Variants in TLE1 observed in about 807,000 individuals in gnomAD.
TLE1 encodes transducin-like enhancer protein 1.
A neutral mutation model predicts 89.8 loss-of-function variants in TLE1; 21 were observed. The ratio of observed to expected loss-of-function variants is 0.23; its 90% CI spans 0.17 to 0.34. The LOEUF (loss-of-function observed/expected upper bound fraction) is 0.34. Ranked by LOEUF, TLE1 falls within the 10% of genes least tolerant of loss-of-function variation. The pLI is 1.00. For synonymous variants in TLE1, 447 were observed against 407.6 expected (o/e 1.10, Z -1.16); for missense variants, 795 against 1,031.2 (o/e 0.77, Z 3.14).
At chr9:81,668,288 G>A (rs558094717) in intron 4 of TLE1, among the ~76,000 whole-genome samples, 1 of 152,088 alleles carries the variant, frequency 6.6e-6, no homozygotes, top group Non-Finnish European at 1.5e-5. Context: ...CAGTCAAGAA[G>A]TTTTATTTTC....
rs1588000052 is a variant in TLE1, at chr9:81,620,656, T to A, written c.595-99A>T. The stretch of plus-strand genomic sequence containing the variant: ...AGAACTATTTTTGAAAGGTGATACC[T>A]ACACAGCCTTTCATTCCATTTAATT... On this transcript the variant is annotated intron_variant, in intron 8 of 19. Coordinates refer to ENST00000376499, the MANE Select transcript of TLE1 (RefSeq NM_005077.5). 1.6e-5 allele frequency: 25 copies of A among 1,523,116 alleles called. No homozygotes were observed. The East Asian group carries it at 5.7e-4, about 35-fold the overall frequency. 94.4% of individuals were successfully genotyped at this position (1,523,116 alleles called of 1,614,324 possible).
In TLE1 at chr9:81,688,486, T is replaced by C. The variant is rs1364470327; in HGVS notation, c.-246A>G. The C allele has an allele frequency of 1.2e-5, 5 of 405,956 alleles. No individual in the cohort carries two copies. The highest frequency in any genetic ancestry group is 2.2e-5 in the Non-Finnish European group (5 of 232,182). 25.1% of individuals were successfully genotyped at this position (405,956 alleles called of 1,614,324 possible). On this transcript the variant is annotated 5_prime_UTR_variant, in exon 1 of 20. Coordinates refer to ENST00000376499, the MANE Select transcript of TLE1 (RefSeq NM_005077.5). Reference sequence around the variant, plus strand: ...TAGTGGGCGCCCCAGGCCCAGCTGCTTCAAGAACCTGCGCGGAGACGTCGG... The same window carrying C: ...TAGTGGGCGCCCCAGGCCCAGCTGCCTCAAGAACCTGCGCGGAGACGTCGG...
intron 8 of TLE1, among the ~76,000 whole-genome samples, chr9:81,625,650 G>GAGCA (rs1825804403): frequency 6.6e-6 from 1 of 152,108 alleles, no homozygotes; most frequent in African/African-American, 2.4e-5. Context: ...GAACCTCAGA[G>GAGCA]AGCACCCAGT....
At chr9:81,633,230 C>CA in intron 8 of TLE1, 118 bp downstream of exon 8, 5 of 1,512,600 alleles carry the variant, frequency 3.3e-6, no homozygotes, top group Non-Finnish European at 4.5e-6. Flanking sequence ...CTGAGAGAGA[C>CA]AGGGAGAGTG....
chr9:81,590,784 T>C, intron 16 of TLE1, 21 bp downstream of exon 16: 2 of 1,607,698 alleles, frequency 1.2e-6, no homozygotes, highest in Non-Finnish European at 1.7e-6. Context: ...AACCCCTCCT[T>C]AGACGACCAT....
chr9:81,675,095 T>C (rs1205535181), intron 4 of TLE1, among the ~76,000 whole-genome samples: 1 of 152,232 alleles, frequency 6.6e-6, no homozygotes, highest in East Asian at 1.9e-4. Flanking sequence ...CCTGATCCTC[T>C]ATCAAGTCCT....
rs751973708 is a variant in TLE1 at position 81,616,748 on chromosome 9, T to G, written c.712-49A>C. Reference sequence around the variant, plus strand: ...CATTTACTAAAAGCTAAGAATAGGTTTGAGGCACAGTTAGATTTCTTTCTA... The same window carrying G: ...CATTTACTAAAAGCTAAGAATAGGTGTGAGGCACAGTTAGATTTCTTTCTA... On this transcript the variant is annotated intron_variant, in intron 9 of 19. Coordinates refer to ENST00000376499, the MANE Select transcript of TLE1 (RefSeq NM_005077.5). 3.7e-6 allele frequency: 6 copies of G among 1,604,758 alleles called. No individual in the cohort carries two copies. In the East Asian group the frequency reaches 1.3e-4, roughly 36 times the overall value.
At chr9:81,638,084 A>C (rs1265116091) in intron 6 of TLE1, among the ~76,000 whole-genome samples, 1 of 152,218 alleles carries the variant, frequency 6.6e-6, no homozygotes, top group Non-Finnish European at 1.5e-5. Flanking sequence ...TCAGCTAACC[A>C]GATGCTCTTG....
chr9:81,662,361 T>TGTGTGTGTG (rs1830910106), intron 4 of TLE1, among the ~76,000 whole-genome samples: 1 of 138,360 alleles, frequency 7.2e-6, no homozygotes, highest in Non-Finnish European at 1.5e-5. Flanking sequence ...TGTGCCTGTT[T>TGTGTGTGTG]TGTGTGTGTG....
chr9:81,611,621 G>T lies in TLE1; in HGVS notation c.1254+148C>A, dbSNP rs542122836. On this transcript the variant is annotated intron_variant, in intron 13 of 19. Coordinates refer to ENST00000376499, the MANE Select transcript of TLE1 (RefSeq NM_005077.5). ...ACAAGAGGAAGGTGAGTGTGTGGCTGGGAGACTGGGCGTCTTTGTCTCCGA... is the reference window on the plus strand; with the variant it reads ...ACAAGAGGAAGGTGAGTGTGTGGCTTGGAGACTGGGCGTCTTTGTCTCCGA... 230 of 686,856 alleles carry T rather than the reference G, an allele frequency of 3.3e-4. No individual in the cohort carries two copies. In the African/African-American group the frequency reaches 3.9e-3, roughly 12 times the overall value. The allele number at this position is 686,856 out of a possible 1,614,324, so 42.5% of individuals were successfully genotyped here. A position where few individuals can be genotyped will look rare whatever the true frequency, so the allele number is the denominator to read the frequency against.
At chr9:81,675,317 A>G (rs1832737293) in intron 4 of TLE1, among the ~76,000 whole-genome samples, 1 of 145,334 alleles carries the variant, frequency 6.9e-6, no homozygotes, top group South Asian at 2.1e-4. Context: ...GGAAGACACT[A>G]TGTAAAGACT....
At chr9:81,683,504 G>A (rs1207584787) in intron 4 of TLE1, among the ~76,000 whole-genome samples, 3 of 152,080 alleles carry the variant, frequency 2.0e-5, no homozygotes, top group Non-Finnish European at 4.4e-5. Context: ...GGGGCCAGAC[G>A]TCACCAGTTT....
intron 8 of TLE1, chr9:81,620,848 T>C: frequency 1.1e-6 from 1 of 911,166 alleles, no homozygotes. Flanking sequence ...GCTTGCTGTG[T>C]TGTATGTGGA....
intron 6 of TLE1, 98 bp downstream of exon 6, chr9:81,652,106 TACACACACAC>T (rs3045544): frequency 8.3e-5 from 58 of 696,354 alleles, no homozygotes; most frequent in Middle Eastern, 2.9e-4. Flanking sequence ...AACGTTAAGA[TACACACACAC>T]ACACACACAC....
chr9:81,664,845 A>G (rs1291499582), intron 4 of TLE1, among the ~76,000 whole-genome samples: 1 of 152,190 alleles, frequency 6.6e-6, no homozygotes, highest in Non-Finnish European at 1.5e-5. Flanking sequence ...CCACCTGCGG[A>G]GTTCCTGTTG....
intron 6 of TLE1, among the ~76,000 whole-genome samples, chr9:81,635,025 G>A (rs78685355): frequency 1.1e-3 from 165 of 152,224 alleles, no homozygotes; most frequent in African/African-American, 3.8e-3. Context: ...TTCCCAGAAG[G>A]AATGAAGGCT....
rs1269155036 is a variant in TLE1, at chr9:81,612,428, G to C, written c.1064-469C>G. On this transcript the variant is annotated intron_variant, in intron 12 of 19. Coordinates refer to ENST00000376499, the MANE Select transcript of TLE1 (RefSeq NM_005077.5). Reference sequence around the variant, plus strand: ...CGTAAACCAAAGCACGGGTTTAGGAGGAATATTCTGTTGCCTATTTTCCTT... The same window carrying C: ...CGTAAACCAAAGCACGGGTTTAGGACGAATATTCTGTTGCCTATTTTCCTT... 1.2e-5 allele frequency: 11 copies of C among 921,006 alleles called. No individual in the cohort carries two copies. In the East Asian group the frequency reaches 1.1e-3, roughly 88 times the overall value. 57.1% of individuals were successfully genotyped at this position (921,006 alleles called of 1,614,324 possible). A position where few individuals can be genotyped will look rare whatever the true frequency, so the allele number is the denominator to read the frequency against.
intron 4 of TLE1, among the ~76,000 whole-genome samples, chr9:81,656,598 T>G (rs929466029): frequency 6.6e-6 from 1 of 152,212 alleles, no homozygotes; most frequent in African/African-American, 2.4e-5. Context: ...AGGTTCTCAC[T>G]TATGTGCACA....
intron 4 of TLE1, among the ~76,000 whole-genome samples, chr9:81,658,582 C>A (rs1370925546): frequency 6.6e-6 from 1 of 152,152 alleles, no homozygotes; most frequent in Non-Finnish European, 1.5e-5. Flanking sequence ...TTGGACTGTT[C>A]TATTAACAAG....
Sources: gnomAD v4.1 joint callset for allele counts (sites outside exome capture counted in the v4.1 genomes callset) on GRCh38, gnomAD v4.1.1 for gene constraint, MANE v1.5 for transcripts, NCBI Gene and HGNC (gene_info 2026-07-23, HGNC 2026-07-21) for gene names.